PRH1: variants seen among roughly 807,000 people sequenced by gnomAD.
PRH1 encodes salivary acidic proline-rich phosphoprotein 1/2.
PRH1 carries 7 observed loss-of-function variants against 7.9 expected under a neutral mutation model. That is an observed-to-expected ratio of 0.89 (90% CI 0.50 to 1.67). The LOEUF is 1.67. Ranked by LOEUF, PRH1 falls within the 40% of genes most tolerant of loss-of-function variation. The probability of loss-of-function intolerance (pLI) is 0.00; values close to 1 mark genes in which losing one functional copy is unlikely to be tolerated. For missense variants in PRH1, 109 were observed against 223.6 expected (o/e 0.49, Z 3.27); for synonymous variants, 45 against 80.8 (o/e 0.56, Z 2.38).
intron 2 of PRH1, among the ~76,000 whole-genome samples, chr12:10,900,309 A>G (rs889375360): frequency 6.6e-6 from 1 of 152,244 alleles, no homozygotes; most frequent in African/African-American, 2.4e-5. Context: ...GCTTAGAGAC[A>G]TTGTAAGGGA....
At chr12:10,963,362 T>C (rs1458651392) in intron 2 of PRH1, among the ~76,000 whole-genome samples, 2 of 152,218 alleles carry the variant, frequency 1.3e-5, no homozygotes, top group Non-Finnish European at 2.9e-5. Context: ...AATACATAGA[T>C]GTCATAGACG....
intron 1 of PRH1, among the ~76,000 whole-genome samples, chr12:11,010,459 T>C (rs4763608): frequency 0.3 from 46,194 of 151,692 alleles, 8,891 homozygotes; most frequent in East Asian, 0.74. Flanking sequence ...CAGTATCAGG[T>C]CTAGACAAAC....
chr12:11,124,118 T>C (rs1946016492), intron 1 of PRH1, among the ~76,000 whole-genome samples: 1 of 152,174 alleles, frequency 6.6e-6, no homozygotes, highest in African/African-American at 2.4e-5. Flanking sequence ...AGTAGCTTTT[T>C]TGGGATAGTA....
intron 1 of PRH1, among the ~76,000 whole-genome samples, chr12:11,073,773 G>C (rs1346243783): frequency 1.3e-5 from 2 of 152,162 alleles, no homozygotes; most frequent in Admixed American, 1.3e-4. Context: ...GCTGCTAGAG[G>C]CATGCATCGT....
intron 1 of PRH1, among the ~76,000 whole-genome samples, chr12:11,096,360 C>CT (rs1419853203): frequency 2.6e-5 from 3 of 114,608 alleles, no homozygotes; most frequent in South Asian, 4.7e-4. Flanking sequence ...ATTGATGACC[C>CT]TTTTTTTTGT....
intron 1 of PRH1, among the ~76,000 whole-genome samples, chr12:11,086,313 T>A (rs1944694313): frequency 7.6e-6 from 1 of 130,906 alleles, no homozygotes. Flanking sequence ...AGCAATTTTA[T>A]AACTATTCCT....
In PRH1 at chr12:11,089,877, T is replaced by C. The variant is rs1944823028; in HGVS notation, n.124-42689A>G. On this transcript the variant is annotated intron_variant and non_coding_transcript_variant, in intron 1 of 4. Coordinates refer to the PRH1 transcript ENST00000541977. ...ATACAGCTGCATCAAGACTATATTA[T>C]TGTGATATTTCCCCTAAAATTGTGG... 2.4e-5 allele frequency among the ~76,000 whole-genome samples: 2 copies of C among 84,290 alleles called. 1 individual carries two copies. Among genetic ancestry groups the C allele is most frequent in the South Asian group, 6.7e-4 (2 of 2,996 alleles). 55.3% of individuals were successfully genotyped at this position (84,290 alleles called of 152,430 possible).
chr12:10,943,703 T>TG (rs201303598), intron 2 of PRH1, among the ~76,000 whole-genome samples: 3,009 of 151,608 alleles, frequency 0.02, 35 homozygotes, highest in South Asian at 0.032. Context: ...TACAGGTTTC[T>TG]TTTTACATTT....
At chr12:11,028,221 G>A (rs1311329106) in intron 1 of PRH1, among the ~76,000 whole-genome samples, 3 of 152,206 alleles carry the variant, frequency 2.0e-5, no homozygotes, top group Non-Finnish European at 4.4e-5. Flanking sequence ...TGATAGTTCT[G>A]CCTCAAGGAA....
intron 2 of PRH1, among the ~76,000 whole-genome samples, chr12:10,956,067 C>T (rs909599762): frequency 8.5e-5 from 13 of 152,210 alleles, no homozygotes; most frequent in East Asian, 3.9e-4. Flanking sequence ...AGAAACTCCA[C>T]GCTAACTCAT....
chr12:10,930,230 T>A (rs200341233), intron 2 of PRH1: 16 of 1,603,308 alleles, frequency 1.0e-5, no homozygotes, highest in Middle Eastern at 1.7e-4. Flanking sequence ...GAATGATTCA[T>A]GCAGTAACTT....
intron 1 of PRH1, among the ~76,000 whole-genome samples, chr12:11,069,637 A>C (rs1364418869): frequency 6.6e-6 from 1 of 152,216 alleles, no homozygotes; most frequent in African/African-American, 2.4e-5. Context: ...GAAACGTCAG[A>C]ATCAATGAAA....
chr12:11,045,304 G>A (rs3905682), intron 1 of PRH1, among the ~76,000 whole-genome samples: 1 of 128,518 alleles, frequency 7.8e-6, no homozygotes, highest in Non-Finnish European at 1.7e-5. Context: ...AGGAGTGGCT[G>A]GTTAATGGTT....
chr12:11,122,235 T>C (rs1248600685), intron 1 of PRH1, among the ~76,000 whole-genome samples: 2 of 152,282 alleles, frequency 1.3e-5, no homozygotes, highest in Non-Finnish European at 2.9e-5. Flanking sequence ...GCTATTACAC[T>C]GTTCCCAGAA....
At chr12:11,008,202 C>G (rs1940912077) in intron 1 of PRH1, among the ~76,000 whole-genome samples, 1 of 152,056 alleles carries the variant, frequency 6.6e-6, no homozygotes, top group Admixed American at 6.6e-5. Context: ...AAGAAAGTTT[C>G]TACTTCAACT....
intron 2 of PRH1, among the ~76,000 whole-genome samples, chr12:10,947,540 G>A (rs937854229): frequency 1.3e-5 from 2 of 151,938 alleles, no homozygotes; most frequent in Admixed American, 1.3e-4. Flanking sequence ...TTTGAGACGG[G>A]TCTCTTGAAG....
intron 1 of PRH1, among the ~76,000 whole-genome samples, chr12:11,083,236 AAAG>A (rs1267424830): frequency 8.4e-6 from 1 of 118,766 alleles, no homozygotes; most frequent in Non-Finnish European, 2.0e-5. Context: ...ATTAAATTGG[AAAG>A]AAGAAAAAAG....
intron 1 of PRH1, among the ~76,000 whole-genome samples, chr12:11,033,150 C>A (rs1219738914): frequency 6.6e-6 from 1 of 152,038 alleles, no homozygotes; most frequent in East Asian, 1.9e-4. Context: ...AGGCAGATTA[C>A]GAGGTCAAGA....
Position 10,884,204 on chromosome 12 carries a change from A to G in PRH1, c.14T>C (p.Leu5Pro). ...GAAGGCCAGCAGGGCCACTGACAGC[A>G]GAATCAGAAGCATCTTGCAGGAGGC... MLLI[L>P]LSVALLAFSS... Residue 5 changes from leucine (L) to proline (P), a missense_variant, in exon 1 of 4, where the codon CTG (leucine) becomes CCG (proline). Leu to Pro is a moderately conservative substitution (Grantham distance 98, BLOSUM62 -3). Transcript: ENST00000543626. 1 of 1,614,222 alleles carries G rather than the reference A, an allele frequency of 6.2e-7. No individual in the cohort carries two copies. Among genetic ancestry groups the G allele is most frequent in the South Asian group, 1.1e-5 (1 of 91,084 alleles).
Sources: gnomAD v4.1 joint callset for allele counts (sites outside exome capture counted in the v4.1 genomes callset) on GRCh38, gnomAD v4.1.1 for gene constraint, MANE v1.5 for transcripts, NCBI Gene and HGNC (gene_info 2026-07-23, HGNC 2026-07-21) for gene names.